The following ZNF385D variants were observed in gnomAD, a reference collection of about 807,000 sequenced individuals.
ZNF385D encodes the protein zinc finger protein 385D.
In ZNF385D, 15 loss-of-function variants were observed where a neutral mutation model predicts 35.8. The ratio of observed to expected loss-of-function variants is 0.42; its 90% confidence interval spans 0.28 to 0.64. The LOEUF (loss-of-function observed/expected upper bound fraction) is 0.64. ZNF385D is among the 30% of genes least tolerant of loss of function. The pLI, the probability that ZNF385D is intolerant of heterozygous loss-of-function variation, is 0.23. For synonymous variants in ZNF385D, 212 were observed against 186.8 expected (o/e 1.13, Z -1.10); for missense variants, 474 against 494.6 (o/e 0.96, Z 0.39).
At chr3:21,872,037 T>A (rs1697720768) in intron 3 of ZNF385D, among the ~76,000 whole-genome samples, 1 of 152,090 alleles carries the variant, frequency 6.6e-6, no homozygotes, top group African/African-American at 2.4e-5. Context: ...TAATAATTTT[T>A]AAAAAAAGAT....
chr3:21,562,919 T>TATCC (rs1401159600), intron 3 of ZNF385D, among the ~76,000 whole-genome samples: 3 of 152,202 alleles, frequency 2.0e-5, no homozygotes, highest in African/African-American at 7.2e-5. Flanking sequence ...GGTAAAGTTC[T>TATCC]ATCCCTCAAA....
chr3:21,659,348 T>C (rs576212013), intron 2 of ZNF385D, among the ~76,000 whole-genome samples: 2 of 152,268 alleles, frequency 1.3e-5, no homozygotes, highest in South Asian at 2.1e-4. Context: ...GAAGAAATCA[T>C]TGAATGAATA....
chr3:21,681,687 TA>T (rs201173045), intron 1 of ZNF385D, among the ~76,000 whole-genome samples: 1,266 of 41,818 alleles, frequency 0.03, 15 homozygotes, highest in African/African-American at 0.091. Context: ...CTAAGAATGA[TA>T]AAAAAAAACG....
chr3:22,321,991 T>G (rs1315564635), intron 2 of ZNF385D, among the ~76,000 whole-genome samples: 2 of 152,168 alleles, frequency 1.3e-5, no homozygotes, highest in African/African-American at 2.4e-5. Context: ...AAAATTTCAA[T>G]AAAATGAGTT....
intron 3 of ZNF385D, among the ~76,000 whole-genome samples, chr3:21,775,333 T>TCA (rs1359404113): frequency 6.6e-6 from 1 of 151,830 alleles, no homozygotes; most frequent in Non-Finnish European, 1.5e-5. Context: ...CTTGGCACCA[T>TCA]CACCTGCTAC....
chr3:21,485,844 A>T (rs1704991278), intron 4 of ZNF385D, among the ~76,000 whole-genome samples: 1 of 151,988 alleles, frequency 6.6e-6, no homozygotes, highest in African/African-American at 2.4e-5. Context: ...TAGAAACCTA[A>T]TGTCTGAGTC....
intron 2 of ZNF385D, among the ~76,000 whole-genome samples, chr3:21,623,302 T>C (rs2065055375): frequency 6.6e-6 from 1 of 152,172 alleles, no homozygotes; most frequent in South Asian, 2.1e-4. Flanking sequence ...TTGGCATTTA[T>C]GACACTTTTA....
At chr3:22,096,904 C>T (rs73822850) in intron 3 of ZNF385D, among the ~76,000 whole-genome samples, 3,014 of 152,164 alleles carry the variant, frequency 0.02, 114 homozygotes, top group African/African-American at 0.068. Context: ...AAAGACACAG[C>T]TGAAATGACC....
At chr3:21,889,836 C>G (rs1165532853) in intron 3 of ZNF385D, among the ~76,000 whole-genome samples, 1 of 152,088 alleles carries the variant, frequency 6.6e-6, no homozygotes, top group African/African-American at 2.4e-5. Flanking sequence ...AGGATCAAGC[C>G]CCCTCTGAAG....
intron 3 of ZNF385D, among the ~76,000 whole-genome samples, chr3:21,521,018 A>G (rs547346497): frequency 2.0e-5 from 3 of 152,310 alleles, no homozygotes; most frequent in African/African-American, 7.2e-5. Flanking sequence ...CTACTCCTCC[A>G]TAAGTCAAAG....
chr3:22,126,413 C>G (rs1703435111), intron 3 of ZNF385D, among the ~76,000 whole-genome samples: 1 of 148,892 alleles, frequency 6.7e-6, no homozygotes, highest in South Asian at 2.2e-4. Flanking sequence ...TTTCATTTAC[C>G]TCAAGGAATT....
At chr3:22,196,033 G>T (rs979909159) in intron 2 of ZNF385D, among the ~76,000 whole-genome samples, 1 of 151,962 alleles carries the variant, frequency 6.6e-6, no homozygotes, top group African/African-American at 2.4e-5. Flanking sequence ...AGGGTGGAGG[G>T]TAAGAGGAGG....
chr3:21,669,865 G>A (rs1315287622), intron 1 of ZNF385D, among the ~76,000 whole-genome samples: 1 of 152,090 alleles, frequency 6.6e-6, no homozygotes, highest in Non-Finnish European at 1.5e-5. Flanking sequence ...ACAATAAGAG[G>A]TTACTTTGTA....
intron 1 of ZNF385D, among the ~76,000 whole-genome samples, chr3:21,700,526 G>C (rs1203740222): frequency 1.3e-5 from 2 of 151,998 alleles, no homozygotes; most frequent in African/African-American, 4.8e-5. Flanking sequence ...CCCATCTTTA[G>C]GGATTACAGA....
chr3:21,594,520 A>G (rs2064074140), intron 2 of ZNF385D, among the ~76,000 whole-genome samples: 1 of 152,176 alleles, frequency 6.6e-6, no homozygotes, highest in South Asian at 2.1e-4. Context: ...AGGGCTGGAA[A>G]CAAAAGTACA....
intron 2 of ZNF385D, among the ~76,000 whole-genome samples, chr3:21,617,569 T>C (rs1376429928): frequency 6.6e-6 from 1 of 152,194 alleles, no homozygotes; most frequent in Non-Finnish European, 1.5e-5. Flanking sequence ...TTTTATAATT[T>C]TTCCTGCACA....
chr3:21,670,008 C>G (rs2066515047), intron 1 of ZNF385D, among the ~76,000 whole-genome samples: 1 of 152,164 alleles, frequency 6.6e-6, no homozygotes, highest in African/African-American at 2.4e-5. Flanking sequence ...ACAACTTCAT[C>G]TTAATCTTAA....
intron 2 of ZNF385D, among the ~76,000 whole-genome samples, chr3:21,652,173 C>T (rs1489105617): frequency 6.6e-6 from 1 of 152,162 alleles, no homozygotes; most frequent in African/African-American, 2.4e-5. Context: ...AATCTATCTT[C>T]ATAAACACAT....
intron 3 of ZNF385D, among the ~76,000 whole-genome samples, chr3:21,801,773 T>C (rs1272370453): frequency 1.3e-5 from 2 of 152,154 alleles, no homozygotes; most frequent in Non-Finnish European, 2.9e-5. Context: ...AGGCTGGGAT[T>C]TTCAGTGAGA....
Sources: allele counts gnomAD v4.1 joint callset (sites outside exome capture counted in the v4.1 genomes callset), GRCh38; gene constraint gnomAD v4.1.1; transcripts MANE v1.5; gene names NCBI Gene and HGNC (gene_info 2026-07-23, HGNC 2026-07-21).